Variants in HEMK2 observed in about 807,000 individuals in gnomAD.
HEMK2 encodes HemK methyltransferase 2, ETF1 glutamine and histone H4 lysine.
the HEMK2 span, among the ~76,000 whole-genome samples, chr21:28,673,145 GAGGA>G: frequency 7.0e-3 from 1,040 of 147,658 alleles, 11 homozygotes; most frequent in African/African-American, 0.023. Flanking sequence ...GAAAGAAAAA[GAGGA>G]AGGAAGGAAG....
chr21:28,639,750 T>C, the HEMK2 span, among the ~76,000 whole-genome samples: 8 of 152,224 alleles, frequency 5.3e-5, no homozygotes, highest in Admixed American at 5.2e-4. Flanking sequence ...TCAAATCATG[T>C]TCAATATTCT....
chr21:28,795,944 G>C, the HEMK2 span, among the ~76,000 whole-genome samples: 2 of 152,096 alleles, frequency 1.3e-5, no homozygotes, highest in Non-Finnish European at 2.9e-5. Flanking sequence ...AGGTTTGTTG[G>C]TTGTTCCTTA....
the HEMK2 span, among the ~76,000 whole-genome samples, chr21:28,803,653 A>T: frequency 2.6e-5 from 4 of 152,190 alleles, no homozygotes; most frequent in South Asian, 2.1e-4. Flanking sequence ...AGGCTCCTCC[A>T]TAAAGCTATT....
At chr21:28,855,995 AAAT>A in the HEMK2 span, among the ~76,000 whole-genome samples, 2 of 146,756 alleles carry the variant, frequency 1.4e-5, no homozygotes, top group Non-Finnish European at 1.5e-5. Context: ...AGAAGACAAA[AAAT>A]AATATGTTTT....
At chr21:28,784,104 G>A in the HEMK2 span, among the ~76,000 whole-genome samples, 21 of 152,204 alleles carry the variant, frequency 1.4e-4, no homozygotes, top group Non-Finnish European at 8.8e-5. Context: ...GCTCCACAGC[G>A]CCTGGTCCCA....
At chr21:28,693,459 G>T in the HEMK2 span, among the ~76,000 whole-genome samples, 1 of 152,108 alleles carries the variant, frequency 6.6e-6, no homozygotes, top group East Asian at 1.9e-4. Context: ...CGATCAACTG[G>T]AGGTGAAAGT....
the HEMK2 span, among the ~76,000 whole-genome samples, chr21:28,726,092 T>C: frequency 6.6e-6 from 1 of 152,088 alleles, no homozygotes; most frequent in South Asian, 2.1e-4. Flanking sequence ...TCTAATACAA[T>C]AATATACTTG....
At chr21:28,651,125 T>C in the HEMK2 span, among the ~76,000 whole-genome samples, 1 of 152,204 alleles carries the variant, frequency 6.6e-6, no homozygotes, top group Non-Finnish European at 1.5e-5. Context: ...ATTCTGGAAA[T>C]AAGTATAAAT....
the HEMK2 span, among the ~76,000 whole-genome samples, chr21:28,784,221 T>C: frequency 6.6e-6 from 1 of 152,242 alleles, no homozygotes; most frequent in African/African-American, 2.4e-5. Context: ...GCTGGCCTCC[T>C]GAGTCTAGTG....
At chr21:28,790,838 G>T in the HEMK2 span, among the ~76,000 whole-genome samples, 13 of 119,638 alleles carry the variant, frequency 1.1e-4, no homozygotes, top group Admixed American at 3.8e-4. Context: ...GTTGTGGGGT[G>T]GGGGGAGGGG....
At chr21:28,618,079 C>T in the HEMK2 span, among the ~76,000 whole-genome samples, 99 of 152,254 alleles carry the variant, frequency 6.5e-4, no homozygotes, top group African/African-American at 2.2e-3. Flanking sequence ...TGAGCCACCA[C>T]GCCCAGCCTT....
the HEMK2 span, among the ~76,000 whole-genome samples, chr21:28,810,876 T>C: frequency 0.11 from 17,004 of 152,158 alleles, 2,365 homozygotes; most frequent in African/African-American, 0.32. Context: ...CAGCATCCTC[T>C]ACATCTGATC....
the HEMK2 span, among the ~76,000 whole-genome samples, chr21:28,861,330 T>C: frequency 5.0e-4 from 76 of 152,348 alleles, no homozygotes; most frequent in East Asian, 0.014. Flanking sequence ...CTGACTCATG[T>C]AGAGCTCTGG....
chr21:28,878,670 A>G, the HEMK2 span, among the ~76,000 whole-genome samples: 1 of 151,948 alleles, frequency 6.6e-6, no homozygotes, highest in African/African-American at 2.4e-5. Flanking sequence ...AAGGAAGTAT[A>G]TTTAAAGTTT....
At chr21:28,606,162 T>A in the HEMK2 span, among the ~76,000 whole-genome samples, 1 of 152,166 alleles carries the variant, frequency 6.6e-6, no homozygotes, top group Non-Finnish European at 1.5e-5. Flanking sequence ...AGAGAGATAG[T>A]ACTGTAACAT....
chr21:28,882,948 T>A, the HEMK2 span: 1 of 1,316,564 alleles, frequency 7.6e-7, no homozygotes, highest in South Asian at 1.4e-5. Flanking sequence ...ATAGTTAACC[T>A]GTCAGTGGAA....
chr21:28,654,567 C>CAGAGAGAG, the HEMK2 span, among the ~76,000 whole-genome samples: 3 of 152,106 alleles, frequency 2.0e-5, no homozygotes, highest in African/African-American at 7.2e-5. Flanking sequence ...TCCCGTGGAA[C>CAGAGAGAG]TTGCCAGGAC....
At chr21:28,777,554 G>C in the HEMK2 span, among the ~76,000 whole-genome samples, 4 of 152,098 alleles carry the variant, frequency 2.6e-5, no homozygotes, top group African/African-American at 9.7e-5. Context: ...CACTTACCCT[G>C]AACTCATGAC....
At chr21:28,645,894 T>C in the HEMK2 span, among the ~76,000 whole-genome samples, 1 of 152,168 alleles carries the variant, frequency 6.6e-6, no homozygotes, top group Non-Finnish European at 1.5e-5. Context: ...TAAGTTTCTG[T>C]TGTATATAAG....
Sources: gnomAD v4.1 joint callset for allele counts (sites outside exome capture counted in the v4.1 genomes callset) on GRCh38, gnomAD v4.1.1 for gene constraint, MANE v1.5 for transcripts, NCBI Gene and HGNC (gene_info 2026-07-23, HGNC 2026-07-21) for gene names.